HEATR4: variants seen among roughly 807,000 people sequenced by gnomAD.
The protein encoded by HEATR4 is HEAT repeat containing 4.
A neutral mutation model predicts 108.8 loss-of-function variants in HEATR4; 95 were observed. The ratio of observed to expected loss-of-function variants is 0.87; its 90% CI spans 0.74 to 1.04. The LOEUF (loss-of-function observed/expected upper bound fraction) is 1.04, where lower values mean the gene tolerates loss of function less well. HEATR4 is among the 50% of genes least tolerant of loss of function. The pLI is 0.00. For missense variants in HEATR4, 1,152 were observed against 1,253.8 expected (o/e 0.92, Z 1.23); for synonymous variants, 443 against 459.4 (o/e 0.96, Z 0.46).
the HEATR4 span, among the ~76,000 whole-genome samples, chr14:73,624,564 T>C: frequency 6.6e-6 from 1 of 152,156 alleles, no homozygotes; most frequent in Admixed American, 6.6e-5. Flanking sequence ...ATCACACCAC[T>C]GCACTCCATC....
At chr14:73,601,927 C>CTT in the HEATR4 span, among the ~76,000 whole-genome samples, 1,702 of 147,382 alleles carry the variant, frequency 0.012, 32 homozygotes, top group African/African-American at 0.04. Context: ...CATAATTATG[C>CTT]TTTTTTTTTT....
the HEATR4 span, among the ~76,000 whole-genome samples, chr14:73,625,254 T>C: frequency 6.6e-6 from 1 of 152,056 alleles, no homozygotes; most frequent in Admixed American, 6.6e-5. Context: ...GAGACGGAGT[T>C]TCACCATGTT....
the HEATR4 span, chr14:73,569,603 G>T: frequency 6.2e-7 from 1 of 1,601,554 alleles, no homozygotes; most frequent in Non-Finnish European, 8.5e-7. Context: ...CTCTTGGCGA[G>T]CTGGACCTGG....
At chr14:73,613,000 G>A in the HEATR4 span, 2 of 984,460 alleles carry the variant, frequency 2.0e-6, no homozygotes, top group Non-Finnish European at 2.8e-6. Context: ...GCGCGGGCCC[G>A]GTGCGCGCCG....
At chr14:73,612,599 G>GCGGGCCGCTGCTGCTGGGA in the HEATR4 span, 28 of 1,412,482 alleles carry the variant, frequency 2.0e-5, no homozygotes, top group South Asian at 3.1e-4. Flanking sequence ...CCTGGAGCCC[G>GCGGGCCGCTGCTGCTGGGA]CGGGCCGCTG....
At chr14:73,540,539 G>A (rs58548302) in intron 1 of HEATR4, among the ~76,000 whole-genome samples, 1,682 of 106,000 alleles carry the variant, frequency 0.016, 184 homozygotes, top group African/African-American at 0.057. Context: ...TTTAGATACA[G>A]TTCAAAAAAT....
chr14:73,585,334 T>C, the HEATR4 span, among the ~76,000 whole-genome samples: 1 of 152,136 alleles, frequency 6.6e-6, no homozygotes, highest in Non-Finnish European at 1.5e-5. Context: ...GGACACTTTC[T>C]GGGGTCCTGT....
At position 73,493,095 on chromosome 14, in the gene HEATR4, C is replaced by T. The variant is rs372192138; in HGVS notation, c.2815G>A (p.Glu939Lys). Residue 939 changes from glutamate (E) to lysine (K), a missense_variant, in exon 17 of 18, where the codon GAG (glutamate) becomes AAG (lysine). Coordinates refer to ENST00000553558, the MANE Select transcript of HEATR4 (RefSeq NM_001220484.1). ...ATCACTGCTTCAGTGTCACAAACCT[C>T]GGAAGGTCTTCTAGGAAGAACCATC... ...DEMVLPRRPS[E>K]VCDTEAVIKP... is the part of the protein sequence containing the mutation. The T allele has an allele frequency of 9.9e-6, 16 of 1,612,154 alleles. No homozygotes were observed. The African/African-American group carries it at 2.0e-4, about 20-fold the overall frequency.
the HEATR4 span, among the ~76,000 whole-genome samples, chr14:73,568,354 A>G: frequency 6.8e-6 from 1 of 146,424 alleles, no homozygotes; most frequent in Non-Finnish European, 1.5e-5. Flanking sequence ...TAAGTGATGA[A>G]AAAAAAAAAC....
chr14:73,540,290 T>A (rs1373338094), intron 1 of HEATR4, among the ~76,000 whole-genome samples: 1 of 151,450 alleles, frequency 6.6e-6, no homozygotes, highest in East Asian at 1.9e-4. Flanking sequence ...TGGATTAATT[T>A]AAAAAAAGAG....
the HEATR4 span, among the ~76,000 whole-genome samples, chr14:73,599,278 G>C: frequency 3.9e-5 from 6 of 152,104 alleles, no homozygotes; most frequent in Non-Finnish European, 8.8e-5. Flanking sequence ...CTGCAGATTT[G>C]TGAGCAAAAT....
chr14:73,563,859 G>A (rs561087282), upstream of HEATR4, among the ~76,000 whole-genome samples: 62 of 151,984 alleles, frequency 4.1e-4, 1 homozygote, highest in African/African-American at 1.3e-3. Context: ...TAATCTCACC[G>A]CTTTGGGAAG....
rs373584939 is a variant in HEATR4 at position 73,520,976 on chromosome 14, C to T, written c.945G>A (p.Glu315=). The change falls in exon 4 of 18, where the codon GAG becomes GAA. Residue 315 remains glutamate, a synonymous_variant. Transcript: ENST00000553558. The stretch of plus-strand genomic sequence containing the variant: ...AGAGGCTCGTCTTTTCATGGATATC[C>T]TCAGTGCTCTTGTTGCCAGGCATGA... ...VEIMPGNKST[E]DIHEKTSLSQ... is the part of the protein sequence containing the mutation. 4.0e-5 allele frequency: 64 copies of T among 1,613,714 alleles called. No individual in the cohort carries two copies. The highest frequency in any genetic ancestry group is 5.1e-5 in the Non-Finnish European group (60 of 1,180,002).
intron 2 of HEATR4, among the ~76,000 whole-genome samples, chr14:73,527,798 C>T (rs1253758089): frequency 6.6e-6 from 1 of 151,368 alleles, no homozygotes; most frequent in African/African-American, 2.4e-5. Context: ...GCCAACATGG[C>T]GAAACCCCAT....
At chr14:73,618,903 G>A in the HEATR4 span, among the ~76,000 whole-genome samples, 1 of 152,214 alleles carries the variant, frequency 6.6e-6, no homozygotes, top group South Asian at 2.1e-4. Context: ...GGCCAAGGCA[G>A]GCGGATCACT....
the HEATR4 span, among the ~76,000 whole-genome samples, chr14:73,586,414 T>C: frequency 1.4e-5 from 2 of 145,510 alleles, no homozygotes; most frequent in South Asian, 4.4e-4. Context: ...AAAAAAATTT[T>C]TTTTTAGAGG....
rs766836052 is a variant in HEATR4 at position 73,531,421 on chromosome 14, G to A, written c.-151-1177C>T. 1.0e-4 allele frequency among the ~76,000 whole-genome samples: 11 copies of A among 105,558 alleles called. 1 individual carries two copies. The highest frequency in any genetic ancestry group is 2.8e-4 in the African/African-American group (9 of 32,608). 69.3% of individuals were successfully genotyped at this position (105,558 alleles called of 152,430 possible). Reference sequence around the variant, plus strand: ...GAATGGTAGTTTCATGGAGTTTTTCGTCTTTTTTTTTTTTTTTGCGAGGGA... The same window carrying A: ...GAATGGTAGTTTCATGGAGTTTTTCATCTTTTTTTTTTTTTTTGCGAGGGA... On this transcript the variant is annotated intron_variant, in intron 1 of 17. Transcript: ENST00000553558.
At chr14:73,569,601 G>C in the HEATR4 span, 5 of 1,601,746 alleles carry the variant, frequency 3.1e-6, no homozygotes, top group Non-Finnish European at 4.3e-6. Flanking sequence ...CACTCTTGGC[G>C]AGCTGGACCT....
At chr14:73,493,178 GT>G in intron 16 of HEATR4, 54 bp from the exon 17 acceptor site, 1 of 1,470,554 alleles carries the variant, frequency 6.8e-7, no homozygotes, top group South Asian at 1.1e-5. Flanking sequence ...CCCTTGATCC[GT>G]GATCATTTCA....
Sources: gnomAD v4.1 joint callset for allele counts (sites outside exome capture counted in the v4.1 genomes callset) on GRCh38, gnomAD v4.1.1 for gene constraint, MANE v1.5 for transcripts, NCBI Gene and HGNC (gene_info 2026-07-23, HGNC 2026-07-21) for gene names.